HPCAL1: variants seen among roughly 807,000 people sequenced by gnomAD.
The protein encoded by HPCAL1 is hippocalcin-like protein 1.
Under a neutral mutation model 17.1 loss-of-function variants are expected in HPCAL1, and 8 were observed. The ratio of observed to expected loss-of-function variants is 0.47; its 90% CI spans 0.27 to 0.84. The LOEUF is 0.84. Ranked by LOEUF, HPCAL1 falls within the 40% of genes least tolerant of loss-of-function variation. The probability of loss-of-function intolerance (pLI) is 0.13; values close to 1 mark genes in which losing one functional copy is unlikely to be tolerated. For missense variants in HPCAL1, 165 were observed against 271.1 expected (o/e 0.61, Z 2.75); for synonymous variants, 112 against 111.4 (o/e 1.01, Z -0.03).
rs1169708874 is a variant in HPCAL1 at position 10,384,983 on chromosome 2, G to A, written c.-110-11852G>A. Among the ~76,000 whole-genome samples the A allele has an allele frequency of 3.9e-5, 6 of 152,254 alleles. No homozygotes were observed. In the East Asian group the frequency reaches 1.2e-3, roughly 29 times the overall value. ...AAAAATACAAAAATTAGCTGGGCATGGTGGCACACGCCTGTAATCCCAGCT... is the reference window on the plus strand; with the variant it reads ...AAAAATACAAAAATTAGCTGGGCATAGTGGCACACGCCTGTAATCCCAGCT... On this transcript the variant is annotated intron_variant, in intron 1 of 4. Transcript: ENST00000307845. The surrounding 1 kb of genome is among the most constrained non-coding windows in gnomAD (Gnocchi z 4.4).
At chr2:10,328,277 C>T (rs533014543) in intron 1 of HPCAL1, among the ~76,000 whole-genome samples, 53 of 152,344 alleles carry the variant, frequency 3.5e-4, no homozygotes, top group African/African-American at 1.3e-3. Context: ...TTTACATTGG[C>T]GCTCAGATGC....
chr2:10,418,234 T>C (rs1275977594), intron 2 of HPCAL1, among the ~76,000 whole-genome samples: 1 of 151,334 alleles, frequency 6.6e-6, no homozygotes, highest in Non-Finnish European at 1.5e-5. Flanking sequence ...CTGGCCAACA[T>C]AGTGTGAAAC....
chr2:10,419,802 C>A lies in HPCAL1; in HGVS notation c.45C>A (p.Asp15Glu). ...NSKLRPEVLQDLRENTEFTDH... is the reference protein window; with the variant it reads ...NSKLRPEVLQELRENTEFTDH... ...AGCTGCGGCCCGAGGTGCTGCAGGA[C>A]CTGCGGGAGAACACGGAGTTCACCG... The change falls in exon 3 of 5, where the codon GAC becomes GAA. Residue 15 changes from aspartate (D) to glutamate (E), a missense_variant. Coordinates refer to ENST00000307845, the MANE Select transcript of HPCAL1 (RefSeq NM_002149.4). This position sits in a 1 kb window ranked among gnomAD's most constrained non-coding sequence, Gnocchi z 5.0. 1 of 1,613,464 alleles carries A rather than the reference C, an allele frequency of 6.2e-7. No homozygotes were observed. Among genetic ancestry groups the A allele is most frequent in the South Asian group, 1.1e-5 (1 of 91,062 alleles).
rs1485738395 is a variant in HPCAL1 at position 10,344,624 on chromosome 2, C to T, written c.-111+41447C>T. On this transcript the variant is annotated intron_variant, in intron 1 of 4. Coordinates refer to ENST00000307845, the MANE Select transcript of HPCAL1 (RefSeq NM_002149.4). This position sits in a 1 kb window ranked among gnomAD's most constrained non-coding sequence, Gnocchi z 4.9. Reference sequence around the variant, plus strand: ...TGGCAGCTCAGAAATATTTTATAATCAAATGAGTAAGACGGGCGTCCCACA... The same window carrying T: ...TGGCAGCTCAGAAATATTTTATAATTAAATGAGTAAGACGGGCGTCCCACA... 1.3e-5 allele frequency among the ~76,000 whole-genome samples: 2 copies of T among 152,212 alleles called. No individual in the cohort carries two copies. Among genetic ancestry groups the T allele is most frequent in the African/African-American group, 4.8e-5 (2 of 41,448 alleles).
chr2:10,390,154 C>T (rs532824952), intron 1 of HPCAL1, among the ~76,000 whole-genome samples: 14 of 152,288 alleles, frequency 9.2e-5, no homozygotes, highest in African/African-American at 2.4e-4. Flanking sequence ...TGACCACTCG[C>T]GGCTCAGGTG....
intron 1 of HPCAL1, among the ~76,000 whole-genome samples, chr2:10,325,252 C>T (rs892817761): frequency 6.6e-6 from 1 of 152,164 alleles, no homozygotes. Context: ...GCAGCCTTGG[C>T]CCCCTGGGCT....
rs879276619 is a variant in HPCAL1 at position 10,395,795 on chromosome 2, G to A, written c.-110-1040G>A. Among the ~76,000 whole-genome samples the A allele has an allele frequency of 7.9e-5, 12 of 152,110 alleles. No homozygotes were observed. The highest frequency in any genetic ancestry group is 1.2e-4 in the Non-Finnish European group (8 of 68,022). ...CTCCTGTAAGCCTCCATTTTTCCCC[G>A]TCTGTCAAATGGGGATGATGATTGT... On this transcript the variant is annotated intron_variant, in intron 1 of 4. Coordinates refer to ENST00000307845, the MANE Select transcript of HPCAL1 (RefSeq NM_002149.4). This position sits in a 1 kb window ranked among gnomAD's most constrained non-coding sequence, Gnocchi z 4.4.
chr2:10,405,179 C>T (rs539628972), intron 2 of HPCAL1, among the ~76,000 whole-genome samples: 12 of 152,354 alleles, frequency 7.9e-5, no homozygotes, highest in African/African-American at 1.9e-4. Context: ...TGGCTGGAGA[C>T]GGGGCAGGCT....
In HPCAL1 at chr2:10,366,332, T is replaced by A. The variant is rs529369986; in HGVS notation, c.-110-30503T>A. On this transcript the variant is annotated intron_variant, in intron 1 of 4. Transcript: ENST00000307845. Reference sequence around the variant, plus strand: ...CTCACTGCAACCTCTGCCTCCCGGGTTCAAGCGATTCTTGTGCCTCAGCCT... The same window carrying A: ...CTCACTGCAACCTCTGCCTCCCGGGATCAAGCGATTCTTGTGCCTCAGCCT... Among the ~76,000 whole-genome samples, 3 of 152,044 alleles carry A rather than the reference T, an allele frequency of 2.0e-5. No individual in the cohort carries two copies. In the East Asian group the frequency reaches 5.8e-4, roughly 29 times the overall value.
In HPCAL1 at chr2:10,323,346, G is replaced by T. The variant is rs1233512016; in HGVS notation, c.-111+20169G>T. 6.6e-6 allele frequency among the ~76,000 whole-genome samples: 1 copy of T among 152,208 alleles called. No individual in the cohort carries two copies. Among genetic ancestry groups the T allele is most frequent in the South Asian group, 2.1e-4 (1 of 4,832 alleles). On this transcript the variant is annotated intron_variant, in intron 1 of 4. Transcript: ENST00000307845. The surrounding 1 kb of genome is among the most constrained non-coding windows in gnomAD (Gnocchi z 4.6). Reference sequence around the variant, plus strand: ...CTTCAGTGTTAGAGCACCTTTCAGGGGGAATGGCGTAAAAAAGCCTTCCTT... The same window carrying T: ...CTTCAGTGTTAGAGCACCTTTCAGGTGGAATGGCGTAAAAAAGCCTTCCTT...
chr2:10,417,091 A>T (rs772678074), intron 2 of HPCAL1, among the ~76,000 whole-genome samples: 2 of 152,160 alleles, frequency 1.3e-5, no homozygotes, highest in Non-Finnish European at 2.9e-5. Context: ...GGCTGGGCAC[A>T]GTGGCTCACA....
At chr2:10,375,414 G>A (rs1050630198) in intron 1 of HPCAL1, among the ~76,000 whole-genome samples, 1 of 152,174 alleles carries the variant, frequency 6.6e-6, no homozygotes, top group Non-Finnish European at 1.5e-5. Flanking sequence ...GGCCTCAGCT[G>A]CGGAGCAACA....
chr2:10,343,740 A>G lies in HPCAL1; in HGVS notation c.-111+40563A>G, dbSNP rs375916979. On this transcript the variant is annotated intron_variant, in intron 1 of 4. Coordinates refer to ENST00000307845, the MANE Select transcript of HPCAL1 (RefSeq NM_002149.4). This position sits in a 1 kb window ranked among gnomAD's most constrained non-coding sequence, Gnocchi z 4.8. ...CTCATCCTTGCGAAGGGACTTTTAG[A>G]TCAGTGGCAGATGGCATAGAAAGTC... Among the ~76,000 whole-genome samples, 67 of 152,334 alleles carry G rather than the reference A, an allele frequency of 4.4e-4. No individual in the cohort carries two copies. The Middle Eastern group carries it at 0.01, about 23-fold the overall frequency.
At chr2:10,398,958 G>A (rs1395212500) in intron 2 of HPCAL1, among the ~76,000 whole-genome samples, 1 of 152,068 alleles carries the variant, frequency 6.6e-6, no homozygotes, top group Non-Finnish European at 1.5e-5. Flanking sequence ...GAGCTAGAGA[G>A]TGGGGGAACA....
At chr2:10,416,908 G>A (rs1670709745) in intron 2 of HPCAL1, among the ~76,000 whole-genome samples, 1 of 152,138 alleles carries the variant, frequency 6.6e-6, no homozygotes, top group African/African-American at 2.4e-5. Flanking sequence ...TCTGCACATT[G>A]TTCTGAGTCT....
At chr2:10,425,136 C>A (rs750079191) in intron 4 of HPCAL1, 2 of 157,294 alleles carry the variant, frequency 1.3e-5, no homozygotes, top group Admixed American at 6.1e-5. Flanking sequence ...TGCTCTCTCT[C>A]GGCCTGAGAC....
intron 1 of HPCAL1, among the ~76,000 whole-genome samples, chr2:10,379,200 C>T (rs370097386): frequency 4.6e-5 from 7 of 151,892 alleles, no homozygotes; most frequent in African/African-American, 1.7e-4. Flanking sequence ...TGGGCCAGTG[C>T]GTGATTCCGA....
At chr2:10,341,369 T>C (rs998804189) in intron 1 of HPCAL1, among the ~76,000 whole-genome samples, 3 of 152,156 alleles carry the variant, frequency 2.0e-5, no homozygotes, top group African/African-American at 7.2e-5. Context: ...GAGGATCACC[T>C]GAGCCCAGGA....
At chr2:10,335,162 G>A (rs183245343) in intron 1 of HPCAL1, among the ~76,000 whole-genome samples, 3 of 152,142 alleles carry the variant, frequency 2.0e-5, no homozygotes, top group Non-Finnish European at 4.4e-5. Flanking sequence ...CCCTTCCCTC[G>A]GGTGTTGGCT....
Sources: allele counts gnomAD v4.1 joint callset (sites outside exome capture counted in the v4.1 genomes callset), GRCh38; gene constraint gnomAD v4.1.1; non-coding constraint Gnocchi (gnomAD v3.1); transcripts MANE v1.5; gene names NCBI Gene and HGNC (gene_info 2026-07-23, HGNC 2026-07-21).